Variants in MSRB3 observed in about 807,000 individuals in gnomAD.
MSRB3 encodes the protein methionine-R-sulfoxide reductase B3.
A neutral mutation model predicts 21.0 loss-of-function variants in MSRB3; 13 were observed. That is an observed-to-expected ratio of 0.62 (90% CI 0.40 to 0.98). MSRB3 has a LOEUF of 0.98. Ranked by LOEUF, MSRB3 falls within the 50% of genes least tolerant of loss-of-function variation. The probability of loss-of-function intolerance (pLI) is 0.00; values close to 1 mark genes in which losing one functional copy is unlikely to be tolerated. For missense variants in MSRB3, 199 were observed against 230.3 expected, an observed-to-expected ratio of 0.86 and a Z score of 0.88; for synonymous variants, 87 against 88.6, an observed-to-expected ratio of 0.98 and a Z score of 0.10.
chr12:65,360,454 A>G (rs940551112), intron 4 of MSRB3, among the ~76,000 whole-genome samples: 11 of 152,138 alleles, frequency 7.2e-5, no homozygotes, highest in Non-Finnish European at 1.3e-4. Flanking sequence ...GGTGAATATC[A>G]ACAAGGCCTA....
intron 6 of MSRB3, among the ~76,000 whole-genome samples, chr12:65,460,814 G>C (rs938601522): frequency 2.1e-5 from 3 of 146,194 alleles, no homozygotes; most frequent in Admixed American, 7.0e-5. Context: ...CAGAATACTA[G>C]TACCAGATTA....
intron 4 of MSRB3, among the ~76,000 whole-genome samples, chr12:65,350,607 A>G (rs1440244195): frequency 1.3e-5 from 2 of 150,494 alleles, no homozygotes; most frequent in Non-Finnish European, 2.9e-5. Context: ...AAATTAAAGG[A>G]TGGAGGAAGA....
At chr12:65,278,921 C>A in intron 1 of MSRB3, 56 bp downstream of exon 1, 1 of 1,544,122 alleles carries the variant, frequency 6.5e-7, no homozygotes, top group Non-Finnish European at 8.8e-7. Flanking sequence ...CACCCCGACC[C>A]TGCCACGTTA....
chr12:65,342,524 G>A (rs894173979), intron 4 of MSRB3, among the ~76,000 whole-genome samples: 2 of 151,936 alleles, frequency 1.3e-5, no homozygotes, highest in Non-Finnish European at 2.9e-5. Context: ...AAATACTACA[G>A]GGTAGAGTGT....
At chr12:65,357,092 C>T (rs1877428525) in intron 4 of MSRB3, among the ~76,000 whole-genome samples, 1 of 151,858 alleles carries the variant, frequency 6.6e-6, no homozygotes. Flanking sequence ...AGGAACAAAA[C>T]TTACTCTTCC....
At chr12:65,280,631 C>T (rs1031744754) in intron 1 of MSRB3, among the ~76,000 whole-genome samples, 6 of 152,072 alleles carry the variant, frequency 3.9e-5, no homozygotes, top group South Asian at 4.2e-4. Flanking sequence ...TTTATTAGGG[C>T]CCTATATGAA....
At chr12:65,359,739 A>G (rs575735528) in intron 4 of MSRB3, among the ~76,000 whole-genome samples, 1 of 152,156 alleles carries the variant, frequency 6.6e-6, no homozygotes. Flanking sequence ...GAAAATAGTG[A>G]TGAGGAGTAG....
chr12:65,345,724 C>T lies in MSRB3; in HGVS notation c.263+17121C>T, dbSNP rs561079602. On this transcript the variant is annotated intron_variant, in intron 4 of 6. Coordinates refer to ENST00000308259, the MANE Select transcript of MSRB3 (RefSeq NM_001031679.3). ...TTAGGTATATCTCCTAATGCTATCC[C>T]TCCCCACTCACCCCACCCCACAACA... 2.6e-5 allele frequency among the ~76,000 whole-genome samples: 4 copies of T among 152,182 alleles called. No individual in the cohort carries two copies. In the East Asian group the frequency reaches 7.8e-4, roughly 30 times the overall value.
intron 2 of MSRB3, among the ~76,000 whole-genome samples, chr12:65,318,885 G>A (rs1297470517): frequency 6.6e-6 from 1 of 151,994 alleles, no homozygotes; most frequent in African/African-American, 2.4e-5. Context: ...TACTACACAT[G>A]AATTCAACAA....
At chr12:65,297,850 T>C (rs1167386188) in intron 1 of MSRB3, among the ~76,000 whole-genome samples, 1 of 152,124 alleles carries the variant, frequency 6.6e-6, no homozygotes, top group Non-Finnish European at 1.5e-5. Context: ...CCATTACTTA[T>C]GGTAGATGGG....
intron 5 of MSRB3, among the ~76,000 whole-genome samples, chr12:65,416,203 A>G (rs1265618242): frequency 2.0e-5 from 3 of 152,186 alleles, no homozygotes; most frequent in Non-Finnish European, 4.4e-5. Flanking sequence ...CCATTTCTAA[A>G]TCAACACCTG....
chr12:65,430,445 T>G (rs969119563), intron 5 of MSRB3, among the ~76,000 whole-genome samples: 2 of 152,196 alleles, frequency 1.3e-5, no homozygotes, highest in African/African-American at 2.4e-5. Context: ...CATTGCTTGC[T>G]GTATTTTTAC....
chr12:65,296,130 G>C (rs1195528705), intron 1 of MSRB3, among the ~76,000 whole-genome samples: 1 of 152,004 alleles, frequency 6.6e-6, no homozygotes, highest in Non-Finnish European at 1.5e-5. Flanking sequence ...TGAAATAGTT[G>C]GTCACAAAAT....
chr12:65,374,644 C>T (rs1272270682), intron 5 of MSRB3, among the ~76,000 whole-genome samples: 1 of 152,120 alleles, frequency 6.6e-6, no homozygotes, highest in Non-Finnish European at 1.5e-5. Flanking sequence ...CCTAATAATG[C>T]TAATGGTTAG....
intron 5 of MSRB3, among the ~76,000 whole-genome samples, chr12:65,424,018 G>A (rs1271615213): frequency 6.6e-6 from 1 of 152,078 alleles, no homozygotes; most frequent in Non-Finnish European, 1.5e-5. Flanking sequence ...CCTTCCTTGT[G>A]ATTGGTCTCT....
rs978029213 is a variant in MSRB3, at chr12:65,291,729, G to A, written c.-52+12864G>A. Among the ~76,000 whole-genome samples the A allele has an allele frequency of 2.6e-5, 4 of 152,288 alleles. No homozygotes were observed. The South Asian group carries it at 8.3e-4, about 32-fold the overall frequency. ...ACCAGCATGGCATGTTGTAGAAAGAGTAAGTAGACTATTTTGTGGTAGGAG... is the reference window on the plus strand; with the variant it reads ...ACCAGCATGGCATGTTGTAGAAAGAATAAGTAGACTATTTTGTGGTAGGAG... On this transcript the variant is annotated intron_variant, in intron 1 of 6. Coordinates refer to ENST00000308259, the MANE Select transcript of MSRB3 (RefSeq NM_001031679.3).
chr12:65,310,954 A>T (rs1873949480), intron 2 of MSRB3, among the ~76,000 whole-genome samples: 2 of 152,164 alleles, frequency 1.3e-5, no homozygotes, highest in Non-Finnish European at 2.9e-5. Context: ...AAGTGCTTAA[A>T]CCTGTGGCTG....
intron 5 of MSRB3, among the ~76,000 whole-genome samples, chr12:65,433,844 C>T (rs952466543): frequency 4.0e-5 from 6 of 151,884 alleles, no homozygotes; most frequent in East Asian, 1.9e-4. Flanking sequence ...CAATAAGAGA[C>T]GACCCATTCC....
chr12:65,448,902 C>T (rs766772526), intron 5 of MSRB3, among the ~76,000 whole-genome samples: 1 of 152,160 alleles, frequency 6.6e-6, no homozygotes, highest in Non-Finnish European at 1.5e-5. Flanking sequence ...ACCACATGCC[C>T]ATATTTGGTT....
Sources: allele counts gnomAD v4.1 joint callset (sites outside exome capture counted in the v4.1 genomes callset), GRCh38; gene constraint gnomAD v4.1.1; transcripts MANE v1.5; gene names NCBI Gene and HGNC (gene_info 2026-07-23, HGNC 2026-07-21).